Variants in MED19 observed in about 807,000 individuals in gnomAD.
The protein encoded by MED19 is mediator complex subunit 19, also known as mediator of RNA polymerase II transcription subunit 19.
In MED19, 4 loss-of-function variants were observed where a neutral mutation model predicts 19.9. The ratio of observed to expected loss-of-function variants is 0.20; its 90% confidence interval spans 0.10 to 0.46. The LOEUF is 0.46. MED19 is among the 20% of genes least tolerant of loss of function. The probability of loss-of-function intolerance (pLI) is 0.99; values close to 1 mark genes in which losing one functional copy is unlikely to be tolerated. For synonymous variants in MED19, 139 were observed against 119.6 expected (o/e 1.16, Z -1.06); for missense variants, 303 against 318.7 (o/e 0.95, Z 0.38).
chr11:57,705,216 C>T (rs767139925), exon 2 of MED19: 1 of 1,614,156 alleles, frequency 6.2e-7, no homozygotes, highest in Non-Finnish European at 8.5e-7. Context: ...TGCTGCCTGT[C>T]AGCTCTGTGC....
chr11:57,704,673 T>G (rs1345031315), intron 3 of MED19, 46 bp downstream of exon 3: 1 of 1,150,550 alleles, frequency 8.7e-7, no homozygotes, highest in Non-Finnish European at 1.2e-6. Context: ...GGTCAGGTTT[T>G]TTTTTTTTTT....
At chr11:57,707,077 A>G (rs1048873136) in intron 1 of MED19, among the ~76,000 whole-genome samples, 2 of 152,018 alleles carry the variant, frequency 1.3e-5, no homozygotes, top group Non-Finnish European at 2.9e-5. Flanking sequence ...ATGCGCCTGT[A>G]GTCACAGCTA....
intron 1 of MED19, among the ~76,000 whole-genome samples, chr11:57,706,286 C>T (rs1345047361): frequency 6.6e-6 from 1 of 151,996 alleles, no homozygotes; most frequent in South Asian, 2.1e-4. Context: ...TAGCTGGGAT[C>T]ACAGGCACAC....
At chr11:57,704,669 G>GTTTTTTTTTTTTTTTTTTTTTTTTT (rs34198151) in intron 3 of MED19, 50 bp downstream of exon 3, 4 of 1,287,744 alleles carry the variant, frequency 3.1e-6, no homozygotes, top group South Asian at 1.4e-5. Flanking sequence ...AGAAGGTCAG[G>GTTTTTTTTTTTTTTTTTTTTTTTTT]TTTTTTTTTT....
At chr11:57,706,360 T>A (rs1037179981) in intron 1 of MED19, among the ~76,000 whole-genome samples, 2 of 151,704 alleles carry the variant, frequency 1.3e-5, no homozygotes, top group South Asian at 4.2e-4. Context: ...AGTAGGCTGG[T>A]CTTGAACTTC....
At position 57,711,882 on chromosome 11, in the gene MED19, T is replaced by C. The variant is rs957717085; in HGVS notation, c.217+81A>G. 6.6e-6 allele frequency: 9 copies of C among 1,360,426 alleles called. No individual in the cohort carries two copies. The Admixed American group carries it at 3.1e-4, about 48-fold the overall frequency. The allele number at this position is 1,360,426 out of a possible 1,614,324, so 84.3% of individuals were successfully genotyped here. ...TGCGTTGCCTAGGTTACCTCGCACCTCCGCTAGCCGGCTGAGAGCCACGCC... is the reference window on the plus strand; with the variant it reads ...TGCGTTGCCTAGGTTACCTCGCACCCCCGCTAGCCGGCTGAGAGCCACGCC... On this transcript the variant is annotated intron_variant, in intron 1 of 4. Transcript: ENST00000431606.
rs745898971 is a variant in MED19 at position 57,704,996 on chromosome 11, C to T, written c.451G>A (p.Gly151Ser). ...ACCGGGCCAGTGTGGAGGCGGAAGC[C>T]GGCCAGCATGGTCCCTGTGATAGGA... is the stretch of plus-strand genomic sequence containing the variant. The change falls in exon 2 of 5, where the codon GGC becomes AGC. Residue 151 changes from glycine (G) to serine (S), a missense_variant. By Grantham distance (56) the Gly-to-Ser change is moderately conservative. Coordinates refer to ENST00000431606, the Ensembl canonical transcript of MED19. 34 of 1,613,576 alleles carry T rather than the reference C, an allele frequency of 2.1e-5. No individual in the cohort carries two copies. Among genetic ancestry groups the T allele is most frequent in the East Asian group, 4.5e-5 (2 of 44,896 alleles).
At chr11:57,705,448 G>A (rs1002049947) in intron 1 of MED19, among the ~76,000 whole-genome samples, 2 of 152,026 alleles carry the variant, frequency 1.3e-5, no homozygotes, top group Non-Finnish European at 2.9e-5. Flanking sequence ...TCAGGAGATC[G>A]AGACCATCCT....
intron 1 of MED19, among the ~76,000 whole-genome samples, chr11:57,706,509 G>A (rs1306105878): frequency 6.6e-6 from 1 of 152,100 alleles, no homozygotes; most frequent in East Asian, 1.9e-4. Flanking sequence ...GGTGGCTCAC[G>A]CCTGTAATCC....
chr11:57,711,556 G>T (rs1946606922), intron 1 of MED19, among the ~76,000 whole-genome samples: 1 of 152,078 alleles, frequency 6.6e-6, no homozygotes, highest in Non-Finnish European at 1.5e-5. Context: ...GTTTCATCAT[G>T]TTGGCCAGGC....
chr11:57,709,556 T>C (rs780065727), intron 1 of MED19, among the ~76,000 whole-genome samples: 3 of 152,022 alleles, frequency 2.0e-5, no homozygotes, highest in Non-Finnish European at 4.4e-5. Context: ...CACTTCTATA[T>C]ACAATATATA....
At position 57,704,297 on chromosome 11, in the gene MED19, T is replaced by C. The variant is rs1365930794; in HGVS notation, c.666+5A>G. The C allele has an allele frequency of 6.5e-7, 1 of 1,534,448 alleles. No individual in the cohort carries two copies. Among genetic ancestry groups the C allele is most frequent in the Non-Finnish European group, 8.7e-7 (1 of 1,146,556 alleles). The stretch of plus-strand genomic sequence containing the variant: ...CTGGGTTGTGGCAATAGGCCTCTAC[T>C]CTACCTTCTTTTTCTTCTTCTCTTT... On this transcript the variant is annotated splice_donor_5th_base_variant and intron_variant, in intron 4 of 4. Coordinates refer to ENST00000431606, the Ensembl canonical transcript of MED19.
chr11:57,708,617 T>C (rs1343132645), intron 1 of MED19, among the ~76,000 whole-genome samples: 1 of 152,218 alleles, frequency 6.6e-6, no homozygotes, highest in Non-Finnish European at 1.5e-5. Context: ...TTGTGAGGCA[T>C]GAGCACAAAA....
At chr11:57,711,533 T>C (rs1946605627) in intron 1 of MED19, among the ~76,000 whole-genome samples, 1 of 152,134 alleles carries the variant, frequency 6.6e-6, no homozygotes, top group Non-Finnish European at 1.5e-5. Context: ...TTTGTGTTTT[T>C]TGTGGAGACA....
intron 3 of MED19, 156 bp downstream of exon 3, chr11:57,704,563 C>G: frequency 1.3e-6 from 2 of 1,596,126 alleles, no homozygotes; most frequent in East Asian, 4.5e-5. Flanking sequence ...TCCCAAGAGA[C>G]CACAGTACAT....
intron 1 of MED19, among the ~76,000 whole-genome samples, chr11:57,708,911 G>GT (rs1946534402): frequency 6.6e-6 from 1 of 152,204 alleles, no homozygotes; most frequent in Non-Finnish European, 1.5e-5. Flanking sequence ...CCATGTTTCA[G>GT]TTTTTTCAAT....
exon 1 of MED19, chr11:57,711,998 C>G: frequency 6.6e-7 from 1 of 1,514,602 alleles, no homozygotes; most frequent in Non-Finnish European, 8.9e-7. Context: ...AGGGCCACAG[C>G]CAGCTCCTGA....
At chr11:57,708,618 G>C (rs1429330911) in intron 1 of MED19, among the ~76,000 whole-genome samples, 1 of 152,146 alleles carries the variant, frequency 6.6e-6, no homozygotes, top group African/African-American at 2.4e-5. Context: ...TGTGAGGCAT[G>C]AGCACAAAAT....
At chr11:57,703,802 G>T (rs1253446550) in exon 5 of MED19, 3 of 480,370 alleles carry the variant, frequency 6.2e-6, no homozygotes, top group East Asian at 6.6e-5. Flanking sequence ...GAAGAAAATT[G>T]TAAGCTTCCT....
Sources: allele counts gnomAD v4.1 joint callset (sites outside exome capture counted in the v4.1 genomes callset), GRCh38; gene constraint gnomAD v4.1.1; transcripts MANE v1.5; gene names NCBI Gene and HGNC (gene_info 2026-07-23, HGNC 2026-07-21).